The following INTS12 variants were observed in gnomAD, a reference collection of about 807,000 sequenced individuals.
INTS12 encodes PHD finger protein 22.
A neutral mutation model predicts 41.6 loss-of-function variants in INTS12; 13 were observed. The ratio of observed to expected loss-of-function variants is 0.31; its 90% CI spans 0.20 to 0.50. The LOEUF (loss-of-function observed/expected upper bound fraction) is 0.50. Among genes scored for constraint, INTS12 ranks in the 20% least tolerant of loss-of-function variants. The pLI, the probability that INTS12 is intolerant of heterozygous loss-of-function variation, is 0.98. For missense variants in INTS12, 432 were observed against 541.6 expected, an observed-to-expected ratio of 0.80 and a Z score of 2.01; for synonymous variants, 199 against 191.4, an observed-to-expected ratio of 1.04 and a Z score of -0.33.
At chr4:105,696,353 A>T (rs1172858639) in intron 3 of INTS12, among the ~76,000 whole-genome samples, 1 of 152,116 alleles carries the variant, frequency 6.6e-6, no homozygotes, top group Non-Finnish European at 1.5e-5. Context: ...TATGTCTCCC[A>T]TCATCAGGCA....
chr4:105,695,488 T>G (rs530777216), intron 4 of INTS12, 28 bp downstream of exon 4: 2 of 1,560,654 alleles, frequency 1.3e-6, no homozygotes, highest in Non-Finnish European at 1.7e-6. Flanking sequence ...ATTTACTTTC[T>G]TTTAACAAGA....
Position 105,695,678 on chromosome 4 carries a change from G to GA in INTS12, c.157-11dup. 1 of 1,596,576 alleles carries GA rather than the reference G, an allele frequency of 6.3e-7. No individual in the cohort carries two copies. The highest frequency in any genetic ancestry group is 8.5e-7 in the Non-Finnish European group (1 of 1,173,728). Reference sequence around the variant, plus strand: ...TGGGTGGCTCCACATCCTAAAAGATGAAAAAAGGTACCAGTAATTAAATAT... The same window carrying GA: ...TGGGTGGCTCCACATCCTAAAAGATGAAAAAAAGGTACCAGTAATTAAATAT... On this transcript the variant is annotated splice_polypyrimidine_tract_variant and intron_variant, in intron 3 of 7. Transcript: ENST00000340139.
intron 1 of INTS12, chr4:105,705,840 A>T (rs1246402398): frequency 6.6e-6 from 1 of 152,200 alleles, no homozygotes; most frequent in Non-Finnish European, 1.5e-5. Flanking sequence ...AATATTAATC[A>T]CACTGTTAAT....
chr4:105,708,231 T>C (rs1459756136), intron 1 of INTS12: 1 of 985,240 alleles, frequency 1.0e-6, no homozygotes, highest in Non-Finnish European at 1.2e-6. Context: ...AGCAAACACT[T>C]AGAAAAGGAA....
Position 105,683,315 on chromosome 4 carries a change from T to G in INTS12, c.807A>C (p.Thr269=). Residue 269 remains threonine (T), a splice_region_variant and synonymous_variant, in exon 8 of 8, where the codon ACA becomes ACC. Transcript: ENST00000340139. ...FLAFKRTEVK[T]STVISGNSSS... is the part of the protein sequence containing the mutation. ...AAGAATTTCCTGAAATAACTGTGGA[T>G]GTCTAAAAAAATAAAGTAAATAATT... The G allele has an allele frequency of 6.3e-7, 1 of 1,599,984 alleles. No homozygotes were observed. The highest frequency in any genetic ancestry group is 8.5e-7 in the Non-Finnish European group (1 of 1,172,904).
At chr4:105,688,442 C>G (rs1283833166) in intron 6 of INTS12, among the ~76,000 whole-genome samples, 4 of 152,202 alleles carry the variant, frequency 2.6e-5, no homozygotes, top group Non-Finnish European at 5.9e-5. Flanking sequence ...ATTCGTATCA[C>G]TTTTTATACT....
chr4:105,698,119 G>A (rs1426612913), intron 3 of INTS12, among the ~76,000 whole-genome samples: 2 of 152,196 alleles, frequency 1.3e-5, no homozygotes, highest in Non-Finnish European at 2.9e-5. Context: ...AAGTCATGCA[G>A]TATTAAACTA....
rs923034586 is a variant in INTS12 at position 105,695,593 on chromosome 4, G to A, written c.232C>T (p.Pro78Ser). 1.1e-5 allele frequency: 17 copies of A among 1,613,086 alleles called. No homozygotes were observed. In the East Asian group the frequency reaches 3.8e-4, roughly 36 times the overall value. The stretch of plus-strand genomic sequence containing the variant: ...ACCTTGCCATTATTATTACCAGAAG[G>A]AAGACTGGATGATATTTTGGGCTCT... ...KQEPKISSSL[P>S]SGNNNGKVLT... is the part of the protein sequence containing the mutation. The change falls in exon 4 of 8, where the codon CCT (proline) becomes TCT (serine). Residue 78 changes from proline to serine, a missense_variant. By Grantham distance (74) the Pro-to-Ser change is moderately conservative. Around this residue, in one of 3 missense-constraint regions of INTS12, gnomAD observed 168 missense variants for 198.9 expected, o/e 0.84. Coordinates refer to ENST00000340139, the MANE Select transcript of INTS12 (RefSeq NM_020395.4).
intron 1 of INTS12, among the ~76,000 whole-genome samples, chr4:105,704,431 CT>C (rs1296193797): frequency 2.0e-5 from 3 of 152,218 alleles, no homozygotes; most frequent in East Asian, 3.8e-4. Flanking sequence ...AATACAAACT[CT>C]TGGTCTCCAT....
At chr4:105,684,001 G>A (rs1283842312) in intron 7 of INTS12, among the ~76,000 whole-genome samples, 3 of 152,048 alleles carry the variant, frequency 2.0e-5, no homozygotes, top group East Asian at 1.9e-4. Context: ...CCATGATTCC[G>A]GTTAAACTAT....
chr4:105,685,318 TTAG>T (rs1363302129), intron 7 of INTS12, among the ~76,000 whole-genome samples: 1 of 152,072 alleles, frequency 6.6e-6, no homozygotes, highest in African/African-American at 2.4e-5. Context: ...AAAATAAACT[TTAG>T]TAGTAACAGA....
chr4:105,697,829 C>G (rs778225895), intron 3 of INTS12, among the ~76,000 whole-genome samples: 1 of 152,258 alleles, frequency 6.6e-6, no homozygotes, highest in East Asian at 1.9e-4. Context: ...GTGGGCAGAT[C>G]ACTTGAGTCC....
rs749481808 is a variant in INTS12 at position 105,691,213 on chromosome 4, T to G, written c.657+763A>C. 4.6e-4 allele frequency among the ~76,000 whole-genome samples: 70 copies of G among 152,132 alleles called. 1 individual carries two copies. Among genetic ancestry groups the G allele is most frequent in the Middle Eastern group, 3.2e-3 (1 of 316 alleles). On this transcript the variant is annotated intron_variant, in intron 6 of 7. Transcript: ENST00000340139. ...ATTAACAGACATGAGAACTCTGCAA[T>G]TGAGAATCACTAATTTAAGGCAGGG... is the stretch of plus-strand genomic sequence containing the variant.
chr4:105,697,491 C>T (rs1424416012), intron 3 of INTS12, among the ~76,000 whole-genome samples: 4 of 152,066 alleles, frequency 2.6e-5, no homozygotes, highest in Non-Finnish European at 5.9e-5. Flanking sequence ...TATTATTATG[C>T]TGATTGTTTA....
intron 2 of INTS12, 146 bp downstream of exon 2, chr4:105,703,502 T>C (rs1732156926): frequency 6.6e-6 from 1 of 152,210 alleles, no homozygotes; most frequent in African/African-American, 2.4e-5. Context: ...GCTCACATTC[T>C]GTGGTCCACC....
Position 105,682,712 on chromosome 4 carries a change from A to G in INTS12, c.*21T>C, listed in dbSNP as rs766863487. 18 of 1,584,682 alleles carry G rather than the reference A, an allele frequency of 1.1e-5. No individual in the cohort carries two copies. The highest frequency in any genetic ancestry group is 1.4e-5 in the Non-Finnish European group (16 of 1,154,804). On this transcript the variant is annotated 3_prime_UTR_variant, in exon 8 of 8. Coordinates refer to ENST00000340139, the MANE Select transcript of INTS12 (RefSeq NM_020395.4). ...CCTTTCATCTTTAGGCTAATATGAT[A>G]CAAAAACCTACTTGGCCACATTACT...
chr4:105,707,367 A>T (rs1237068218), intron 1 of INTS12, among the ~76,000 whole-genome samples: 2 of 150,706 alleles, frequency 1.3e-5, no homozygotes, highest in African/African-American at 4.9e-5. Context: ...AACTCTGAGT[A>T]CTTTAAGGGC....
chr4:105,695,660 C>G lies in INTS12; in HGVS notation c.165G>C (p.Glu55Asp). 1 of 1,611,062 alleles carries G rather than the reference C, an allele frequency of 6.2e-7. No homozygotes were observed. Among genetic ancestry groups the G allele is most frequent in the Non-Finnish European group, 8.5e-7 (1 of 1,179,140 alleles). ...TTTTTGTGCTTGAAATTTTGGGTGG[C>G]TCCACATCCTAAAAGATGAAAAAAG... ...SSYRPSQKDVEPPKISSTKNI... is the reference protein window; with the variant it reads ...SSYRPSQKDVDPPKISSTKNI... Residue 55 changes from glutamate to aspartate, a missense_variant, in exon 4 of 8, where the codon GAG becomes GAC. Around this residue, in one of 3 missense-constraint regions of INTS12, gnomAD observed 168 missense variants for 198.9 expected, o/e 0.84. Coordinates refer to ENST00000340139, the MANE Select transcript of INTS12 (RefSeq NM_020395.4).
intron 7 of INTS12, among the ~76,000 whole-genome samples, 184 bp from the exon 8 acceptor site, chr4:105,683,501 G>A (rs1731398794): frequency 6.6e-6 from 1 of 151,988 alleles, no homozygotes; most frequent in Admixed American, 6.6e-5. Flanking sequence ...TTGCAAAGCA[G>A]AAAATTTTTG....
Sources: allele counts gnomAD v4.1 joint callset (sites outside exome capture counted in the v4.1 genomes callset), GRCh38; gene constraint gnomAD v4.1.1; regional missense constraint gnomAD v4.1.1; transcripts MANE v1.5; gene names NCBI Gene and HGNC (gene_info 2026-07-23, HGNC 2026-07-21).